The following PPARG variants were observed in gnomAD, a reference collection of about 807,000 sequenced individuals.
PPARG encodes the protein peroxisome proliferator-activated receptor gamma.
In PPARG, 17 loss-of-function variants were observed where a neutral mutation model predicts 39.2. The ratio of observed to expected loss-of-function variants is 0.43; its 90% confidence interval spans 0.30 to 0.65. The LOEUF (loss-of-function observed/expected upper bound fraction) is 0.65, where lower values mean the gene tolerates loss of function less well. Ranked by LOEUF, PPARG falls within the 30% of genes least tolerant of loss-of-function variation. The probability of loss-of-function intolerance (pLI) is 0.13; values close to 1 mark genes in which losing one functional copy is unlikely to be tolerated. For synonymous variants in PPARG, 223 were observed against 215.7 expected (o/e 1.03, Z -0.30); for missense variants, 406 against 585.9 (o/e 0.69, Z 3.17).
At chr3:12,314,861 A>T (rs1475204611) in intron 2 of PPARG, among the ~76,000 whole-genome samples, 1 of 152,224 alleles carries the variant, frequency 6.6e-6, no homozygotes, top group African/African-American at 2.4e-5. Flanking sequence ...GTACATATTT[A>T]TGTGGTACAG....
intron 2 of PPARG, among the ~76,000 whole-genome samples, chr3:12,352,171 A>G (rs575527226): frequency 3.3e-4 from 50 of 152,326 alleles, no homozygotes; most frequent in African/African-American, 1.2e-3. Flanking sequence ...CAGCTCTCCC[A>G]AAGAATTGTA....
At chr3:12,392,582 T>C (rs2050114927) in intron 4 of PPARG, 32 bp from the exon 5 acceptor site, 1 of 1,612,812 alleles carries the variant, frequency 6.2e-7, no homozygotes, top group Non-Finnish European at 8.5e-7. Context: ...TCATAAAGAC[T>C]TAAAATTTGC....
intron 6 of PPARG, among the ~76,000 whole-genome samples, chr3:12,413,620 C>T (rs2050955718): frequency 6.6e-6 from 1 of 151,168 alleles, no homozygotes; most frequent in Admixed American, 6.6e-5. Flanking sequence ...ACCAGCCTGG[C>T]CAACATGGTG....
intron 5 of PPARG, among the ~76,000 whole-genome samples, chr3:12,394,720 G>A (rs1051977023): frequency 6.6e-6 from 1 of 152,158 alleles, no homozygotes; most frequent in Non-Finnish European, 1.5e-5. Flanking sequence ...ATAAACATCA[G>A]ACTAACAACA....
chr3:12,327,555 A>G (rs1343419422), intron 2 of PPARG, among the ~76,000 whole-genome samples: 3 of 152,204 alleles, frequency 2.0e-5, no homozygotes. Flanking sequence ...CCAAACCAAA[A>G]GATAATGAAG....
At chr3:12,341,476 A>G (rs896081792) in intron 2 of PPARG, among the ~76,000 whole-genome samples, 3 of 152,200 alleles carry the variant, frequency 2.0e-5, no homozygotes, top group Non-Finnish European at 2.9e-5. Context: ...GGGTAATTAC[A>G]TGGCTTTAGT....
chr3:12,347,450 G>A (rs2048360896), intron 2 of PPARG, among the ~76,000 whole-genome samples: 1 of 152,178 alleles, frequency 6.6e-6, no homozygotes, highest in Non-Finnish European at 1.5e-5. Context: ...CCAGGATACA[G>A]GATTATTTGT....
intron 7 of PPARG, among the ~76,000 whole-genome samples, chr3:12,421,083 G>T (rs902563755): frequency 5.9e-5 from 9 of 152,184 alleles, no homozygotes; most frequent in Admixed American, 3.9e-4. Context: ...AAAAGTGAGG[G>T]TCGTAAACTT....
intron 4 of PPARG, among the ~76,000 whole-genome samples, chr3:12,390,637 CTTTTTTTTTT>C (rs35190152): frequency 2.2e-5 from 2 of 92,354 alleles, no homozygotes; most frequent in Admixed American, 1.6e-4. Context: ...TATTTTCTTC[CTTTTTTTTTT>C]TTTTTTTTTT....
chr3:12,386,314 G>C (rs2049871218), intron 4 of PPARG, among the ~76,000 whole-genome samples: 1 of 149,942 alleles, frequency 6.7e-6, no homozygotes, highest in African/African-American at 2.5e-5. Context: ...CATGAACTCG[G>C]TGTAAAAAAA....
At chr3:12,396,366 C>T (rs531315980) in intron 5 of PPARG, among the ~76,000 whole-genome samples, 1 of 152,278 alleles carries the variant, frequency 6.6e-6, no homozygotes, top group South Asian at 2.1e-4. Flanking sequence ...AGGTGATCCA[C>T]CCACCTCAGC....
intron 1 of PPARG, among the ~76,000 whole-genome samples, chr3:12,304,493 G>C (rs2047009177): frequency 6.6e-6 from 1 of 152,184 alleles, no homozygotes; most frequent in Non-Finnish European, 1.5e-5. Flanking sequence ...TTATTTTCAT[G>C]AGGATGATTT....
rs541819635 is a variant in PPARG, at chr3:12,432,000, A to G, written c.1181-1898A>G. Reference sequence around the variant, plus strand: ...ACATTTCATATTCTAAGACAATATCATCTACAACTTTATTCCAATATAAAT... The same window carrying G: ...ACATTTCATATTCTAAGACAATATCGTCTACAACTTTATTCCAATATAAAT... On this transcript the variant is annotated intron_variant, in intron 7 of 7. Transcript: ENST00000651735. Among the ~76,000 whole-genome samples the G allele has an allele frequency of 2.0e-5, 3 of 152,364 alleles. No individual in the cohort carries two copies. In the East Asian group the frequency reaches 5.8e-4, roughly 29 times the overall value.
chr3:12,296,180 A>C (rs1309733087), intron 1 of PPARG, among the ~76,000 whole-genome samples: 1 of 133,556 alleles, frequency 7.5e-6, no homozygotes. Flanking sequence ...TGAACCCGGT[A>C]GGTGGAGGTT....
chr3:12,287,953 C>T (rs17029006), upstream of PPARG: 35,102 of 148,326 alleles, frequency 0.24, 5,434 homozygotes, highest in South Asian at 0.54. Context: ...GAGCCGCAGC[C>T]GCCGCCTGGG....
intron 7 of PPARG, among the ~76,000 whole-genome samples, chr3:12,427,185 T>C (rs981737802): frequency 1.3e-4 from 6 of 45,578 alleles, no homozygotes; most frequent in African/African-American, 7.5e-4. Flanking sequence ...GGAATTGCTA[T>C]AGGCCACACC....
At chr3:12,406,804 C>G (rs1055904335) in intron 6 of PPARG, 1 of 152,032 alleles carries the variant, frequency 6.6e-6, no homozygotes, top group African/African-American at 2.4e-5. Context: ...AAAATAGATT[C>G]TAGATATTAT....
intron 1 of PPARG, among the ~76,000 whole-genome samples, chr3:12,311,149 G>A (rs945532986): frequency 3.9e-5 from 6 of 152,084 alleles, no homozygotes; most frequent in African/African-American, 1.4e-4. Context: ...TGTTGCCCAG[G>A]CTGGAGTGCA....
chr3:12,394,530 T>G (rs1391639313), intron 5 of PPARG, among the ~76,000 whole-genome samples: 1 of 152,180 alleles, frequency 6.6e-6, no homozygotes, highest in East Asian at 1.9e-4. Context: ...ACAATTTATT[T>G]TATTTCTAGA....
Sources: gnomAD v4.1 joint callset for allele counts (sites outside exome capture counted in the v4.1 genomes callset) on GRCh38, gnomAD v4.1.1 for gene constraint, MANE v1.5 for transcripts, NCBI Gene and HGNC (gene_info 2026-07-23, HGNC 2026-07-21) for gene names.